The following CDH13 variants were observed in gnomAD, a reference collection of about 807,000 sequenced individuals.
The protein encoded by CDH13 is cadherin-13.
CDH13 carries 24 observed loss-of-function variants against 63.8 expected under a neutral mutation model. The observed-to-expected ratio is 0.38, with a 90% CI of 0.27 to 0.53. The LOEUF is 0.53. Among genes scored for constraint, CDH13 ranks in the 20% least tolerant of loss-of-function variants. CDH13 has a pLI of 0.85. For missense variants in CDH13, 1,049 were observed against 903.1 expected (o/e 1.16, Z -2.07); for synonymous variants, 503 against 355.3 (o/e 1.42, Z -4.67).
chr16:83,700,318 C>G (rs994541326), intron 10 of CDH13, among the ~76,000 whole-genome samples: 1 of 152,164 alleles, frequency 6.6e-6, no homozygotes, highest in Non-Finnish European at 1.5e-5. Flanking sequence ...GTCCCCACCT[C>G]GAAAGAACTT....
intron 10 of CDH13, chr16:83,725,875 T>G (rs1240738197): frequency 6.6e-6 from 1 of 152,230 alleles, no homozygotes; most frequent in African/African-American, 2.4e-5. Flanking sequence ...TCAGCTCCTT[T>G]GGAACTGATA....
intron 5 of CDH13, among the ~76,000 whole-genome samples, chr16:83,300,863 C>G (rs1260101233): frequency 6.6e-6 from 1 of 152,002 alleles, no homozygotes; most frequent in Non-Finnish European, 1.5e-5. Context: ...GGAAGGAAAG[C>G]TACATAGCGC....
chr16:83,055,763 T>C (rs1018644317), intron 3 of CDH13, among the ~76,000 whole-genome samples: 1 of 152,074 alleles, frequency 6.6e-6, no homozygotes, highest in African/African-American at 2.4e-5. Context: ...GCCAACATAA[T>C]CTTCTTTGCA....
intron 7 of CDH13, among the ~76,000 whole-genome samples, chr16:83,580,152 G>A (rs1008235693): frequency 1.3e-5 from 2 of 152,120 alleles, no homozygotes; most frequent in Admixed American, 6.5e-5. Flanking sequence ...TGTTATCCTG[G>A]TAGCAACAGG....
intron 2 of CDH13, among the ~76,000 whole-genome samples, chr16:82,939,544 C>T (rs923201976): frequency 3.3e-5 from 5 of 151,930 alleles, no homozygotes; most frequent in African/African-American, 7.3e-5. Flanking sequence ...ATACCTAAAG[C>T]GAATACTCAG....
chr16:83,329,492 C>A (rs928699325), intron 5 of CDH13, among the ~76,000 whole-genome samples: 1 of 151,920 alleles, frequency 6.6e-6, no homozygotes, highest in Admixed American at 6.6e-5. Flanking sequence ...CCACCTCGAT[C>A]TCCCAAAGTG....
intron 3 of CDH13, among the ~76,000 whole-genome samples, chr16:83,111,084 A>G (rs889344492): frequency 1.3e-5 from 2 of 150,962 alleles, no homozygotes; most frequent in South Asian, 4.2e-4. Context: ...AGGCAGGAGA[A>G]TGGCGTGAAC....
At chr16:82,830,220 C>T (rs1361715234) in intron 1 of CDH13, among the ~76,000 whole-genome samples, 1 of 152,228 alleles carries the variant, frequency 6.6e-6, no homozygotes, top group Admixed American at 6.5e-5. Context: ...TTCTGATTCA[C>T]ACTACAGGGA....
chr16:83,491,685 C>A (rs2074016794), intron 7 of CDH13, among the ~76,000 whole-genome samples: 1 of 151,716 alleles, frequency 6.6e-6, no homozygotes, highest in South Asian at 2.1e-4. Flanking sequence ...TTGAGCTGAG[C>A]ACTTTTCTGT....
intron 1 of CDH13, among the ~76,000 whole-genome samples, chr16:82,665,963 G>A (rs13339484): frequency 0.066 from 9,997 of 152,140 alleles, 404 homozygotes; most frequent in Middle Eastern, 0.15. Context: ...TTTCAATGGA[G>A]TAAGTATTTC....
chr16:82,904,858 A>G (rs978538838), intron 2 of CDH13, among the ~76,000 whole-genome samples: 3 of 149,774 alleles, frequency 2.0e-5, no homozygotes, highest in Non-Finnish European at 2.9e-5. Flanking sequence ...ATTTGAACTA[A>G]ATGAACCTAG....
chr16:83,438,172 C>A (rs1369733113), intron 6 of CDH13, among the ~76,000 whole-genome samples: 3 of 152,346 alleles, frequency 2.0e-5, no homozygotes, highest in East Asian at 3.9e-4. Context: ...AAACTGCCTA[C>A]AGGAGAGCCT....
At chr16:83,663,130 A>C (rs1205384317) in intron 8 of CDH13, among the ~76,000 whole-genome samples, 2 of 152,234 alleles carry the variant, frequency 1.3e-5, no homozygotes, top group Non-Finnish European at 2.9e-5. Flanking sequence ...TATCAAAGAA[A>C]TAATCCCATT....
intron 1 of CDH13, among the ~76,000 whole-genome samples, chr16:82,686,936 T>C (rs1915134350): frequency 1.3e-5 from 2 of 152,218 alleles, no homozygotes; most frequent in South Asian, 4.1e-4. Context: ...CTGTTTTTCA[T>C]CAAAATGCTA....
chr16:83,300,249 G>T (rs892998921), intron 5 of CDH13, among the ~76,000 whole-genome samples: 1 of 152,222 alleles, frequency 6.6e-6, no homozygotes, highest in Non-Finnish European at 1.5e-5. Flanking sequence ...ATGAGATTTT[G>T]TAGTTTAAAC....
At chr16:83,389,728 A>T (rs2091747815) in intron 6 of CDH13, among the ~76,000 whole-genome samples, 1 of 152,124 alleles carries the variant, frequency 6.6e-6, no homozygotes, top group African/African-American at 2.4e-5. Flanking sequence ...CTCAAACTCC[A>T]ATGAATTAAA....
Position 82,811,095 on chromosome 16 carries a change from G to C in CDH13, c.46-47267G>C, listed in dbSNP as rs181957832. On this transcript the variant is annotated intron_variant, in intron 1 of 13. Transcript: ENST00000567109. ...TACCATATTTATACTATATCATTGTGGTAATAAAGAATTTGTCATAGATTA... is the reference window on the plus strand; with the variant it reads ...TACCATATTTATACTATATCATTGTCGTAATAAAGAATTTGTCATAGATTA... Among the ~76,000 whole-genome samples the C allele has an allele frequency of 1.7e-3, 261 of 152,196 alleles. 1 individual carries two copies. Among genetic ancestry groups the C allele is most frequent in the Non-Finnish European group, 2.9e-3 (199 of 67,996 alleles).
intron 1 of CDH13, among the ~76,000 whole-genome samples, chr16:82,804,385 T>C (rs1407929235): frequency 1.3e-5 from 2 of 152,098 alleles, no homozygotes; most frequent in African/African-American, 4.8e-5. Flanking sequence ...ACCTTGATTG[T>C]GGTGATGGTA....
intron 7 of CDH13, among the ~76,000 whole-genome samples, chr16:83,553,507 G>A (rs1398288185): frequency 6.6e-6 from 1 of 152,106 alleles, no homozygotes; most frequent in Non-Finnish European, 1.5e-5. Context: ...TAACTTTCAT[G>A]AGCATTTTTA....
Sources: allele counts gnomAD v4.1 joint callset (sites outside exome capture counted in the v4.1 genomes callset), GRCh38; gene constraint gnomAD v4.1.1; transcripts MANE v1.5; gene names NCBI Gene and HGNC (gene_info 2026-07-23, HGNC 2026-07-21).